The following NELL1 variants were observed in gnomAD, a reference collection of about 807,000 sequenced individuals.
NELL1 encodes protein kinase C-binding protein NELL1.
NELL1 carries 76 observed loss-of-function variants against 107.4 expected under a neutral mutation model. That is an observed-to-expected ratio of 0.71 (90% CI 0.59 to 0.86). The LOEUF (loss-of-function observed/expected upper bound fraction) is 0.86. Ranked by LOEUF, NELL1 falls within the 40% of genes least tolerant of loss-of-function variation. The pLI, the probability that NELL1 is intolerant of heterozygous loss-of-function variation, is 0.00. For missense variants in NELL1, 1,024 were observed against 1,005.5 expected (o/e 1.02, Z -0.25); for synonymous variants, 353 against 341.2 (o/e 1.03, Z -0.38).
chr11:21,573,058 C>T, intron 18 of NELL1, 127 bp from the exon 19 acceptor site: 1 of 713,456 alleles, frequency 1.4e-6, no homozygotes, highest in Non-Finnish European at 2.4e-6. Context: ...TGTACTTTAT[C>T]CTCAATGGTG....
chr11:21,024,229 C>A (rs1480032587), intron 12 of NELL1, among the ~76,000 whole-genome samples: 1 of 152,116 alleles, frequency 6.6e-6, no homozygotes, highest in African/African-American at 2.4e-5. Flanking sequence ...AATATCTGAA[C>A]TACCAAACCA....
chr11:21,042,321 T>TA (rs1853255689), intron 12 of NELL1, among the ~76,000 whole-genome samples: 1 of 152,172 alleles, frequency 6.6e-6, no homozygotes, highest in South Asian at 2.1e-4. Context: ...ATCTATGTAT[T>TA]ATTAATGTCC....
chr11:20,873,123 T>C (rs1254072906), intron 4 of NELL1, among the ~76,000 whole-genome samples: 3 of 152,166 alleles, frequency 2.0e-5, no homozygotes, highest in Non-Finnish European at 4.4e-5. Context: ...TTATCACCCA[T>C]TTGTGAGCAT....
intron 14 of NELL1, among the ~76,000 whole-genome samples, chr11:21,348,141 G>A (rs1850725714): frequency 2.0e-5 from 3 of 152,028 alleles, no homozygotes; most frequent in Non-Finnish European, 4.4e-5. Context: ...ATAAGATATG[G>A]CTTTCTAGAT....
intron 15 of NELL1, 50 bp from the exon 16 acceptor site, chr11:21,534,324 T>A: frequency 6.2e-7 from 1 of 1,609,200 alleles, no homozygotes; most frequent in Non-Finnish European, 8.5e-7. Flanking sequence ...GAAAGGTTAG[T>A]GTCAAAAGAA....
At chr11:21,178,033 A>G (rs1856748470) in intron 13 of NELL1, among the ~76,000 whole-genome samples, 2 of 151,800 alleles carry the variant, frequency 1.3e-5, no homozygotes, top group Non-Finnish European at 1.5e-5. Flanking sequence ...TATCTGATGT[A>G]CAATTTGTAC....
At chr11:21,371,861 C>T (rs530884752) in intron 15 of NELL1, among the ~76,000 whole-genome samples, 8 of 151,776 alleles carry the variant, frequency 5.3e-5, no homozygotes, top group Admixed American at 2.6e-4. Context: ...GTTCTTGTTT[C>T]CTTTCCTTCA....
At chr11:21,026,432 A>C (rs1852815470) in intron 12 of NELL1, among the ~76,000 whole-genome samples, 1 of 152,156 alleles carries the variant, frequency 6.6e-6, no homozygotes, top group African/African-American at 2.4e-5. Context: ...CATTTCACTG[A>C]ATCAGTATGG....
intron 14 of NELL1, among the ~76,000 whole-genome samples, chr11:21,359,968 T>G (rs1026641581): frequency 1.3e-5 from 2 of 152,120 alleles, no homozygotes; most frequent in African/African-American, 4.8e-5. Context: ...TTGTATTGAT[T>G]TCTTTGTTTC....
At chr11:21,521,744 T>G (rs1855731631) in intron 15 of NELL1, among the ~76,000 whole-genome samples, 1 of 152,200 alleles carries the variant, frequency 6.6e-6, no homozygotes, top group African/African-American at 2.4e-5. Flanking sequence ...AAGTGTTCCT[T>G]TTCTCTGAAT....
chr11:21,032,562 G>A (rs1160440798), intron 12 of NELL1, among the ~76,000 whole-genome samples: 1 of 151,958 alleles, frequency 6.6e-6, no homozygotes, highest in Non-Finnish European at 1.5e-5. Flanking sequence ...CTAATTTTTT[G>A]TATTTTTAGT....
chr11:21,495,716 T>C (rs919422034), intron 15 of NELL1, among the ~76,000 whole-genome samples: 1 of 152,164 alleles, frequency 6.6e-6, no homozygotes, highest in Non-Finnish European at 1.5e-5. Context: ...GGGTATGCTG[T>C]GGTACCTCCT....
intron 16 of NELL1, among the ~76,000 whole-genome samples, chr11:21,559,554 A>C (rs1856802835): frequency 1.3e-5 from 2 of 152,084 alleles, no homozygotes; most frequent in Admixed American, 1.3e-4. Flanking sequence ...TCCATATAGC[A>C]ATTATTTTTT....
intron 13 of NELL1, among the ~76,000 whole-genome samples, chr11:21,157,738 C>A (rs1479084120): frequency 1.3e-5 from 2 of 152,150 alleles, no homozygotes; most frequent in East Asian, 3.9e-4. Context: ...ATAGATCTTC[C>A]ATGCAACATC....
intron 2 of NELL1, among the ~76,000 whole-genome samples, chr11:20,708,075 C>G (rs1428874143): frequency 6.6e-6 from 1 of 152,252 alleles, no homozygotes; most frequent in Non-Finnish European, 1.5e-5. Context: ...CTCGCTGCTG[C>G]TTTGCAGTTT....
At position 21,414,577 on chromosome 11, in the gene NELL1, C is replaced by A. The variant is rs544707354; in HGVS notation, c.1645+43629C>A. The stretch of plus-strand genomic sequence containing the variant: ...TGTATTCATGAGGGTTTATATTATA[C>A]CTGCTAAACCATTCTCTTCTCTTAA... On this transcript the variant is annotated intron_variant, in intron 15 of 19. Coordinates refer to ENST00000357134, the MANE Select transcript of NELL1 (RefSeq NM_006157.5). Among the ~76,000 whole-genome samples, 3 of 151,344 alleles carry A rather than the reference C, an allele frequency of 2.0e-5. No individual in the cohort carries two copies. The South Asian group carries it at 6.3e-4, about 32-fold the overall frequency.
intron 2 of NELL1, among the ~76,000 whole-genome samples, chr11:20,683,491 A>G (rs1444602733): frequency 1.3e-5 from 2 of 151,944 alleles, no homozygotes; most frequent in Admixed American, 6.6e-5. Flanking sequence ...AGTAGTCCTC[A>G]GTGTCTATTT....
intron 15 of NELL1, among the ~76,000 whole-genome samples, chr11:21,435,628 A>G (rs117849379): frequency 1.3e-5 from 2 of 152,116 alleles, no homozygotes; most frequent in East Asian, 1.9e-4. Flanking sequence ...TGATCACATT[A>G]TTGATTTGCA....
intron 3 of NELL1, among the ~76,000 whole-genome samples, chr11:20,813,346 T>C (rs1001717977): frequency 1.2e-4 from 18 of 152,196 alleles, no homozygotes; most frequent in African/African-American, 4.3e-4. Context: ...AACTGGAAAA[T>C]AGGACAATAC....
Sources: gnomAD v4.1 joint callset for allele counts (sites outside exome capture counted in the v4.1 genomes callset) on GRCh38, gnomAD v4.1.1 for gene constraint, MANE v1.5 for transcripts, NCBI Gene and HGNC (gene_info 2026-07-23, HGNC 2026-07-21) for gene names.